Variants in ATP6V0A4 observed in about 807,000 individuals in gnomAD.
ATP6V0A4 encodes ATPase H+ transporting V0 subunit a4, also known as V-type proton ATPase 116 kDa subunit a 4.
A neutral mutation model predicts 107.3 loss-of-function variants in ATP6V0A4; 86 were observed. That is an observed-to-expected ratio of 0.80 (90% CI 0.67 to 0.96). ATP6V0A4 has a LOEUF of 0.96. ATP6V0A4 is among the 40% of genes least tolerant of loss of function. The pLI, the probability that ATP6V0A4 is intolerant of heterozygous loss-of-function variation, is 0.00. For missense variants in ATP6V0A4, 908 were observed against 1,045.6 expected (o/e 0.87, Z 1.81); for synonymous variants, 353 against 381.4 (o/e 0.93, Z 0.87).
chr7:138,792,263 GC>G (rs1217023683), intron 1 of ATP6V0A4, among the ~76,000 whole-genome samples: 1 of 152,160 alleles, frequency 6.6e-6, no homozygotes, highest in Non-Finnish European at 1.5e-5. Flanking sequence ...CCGAGATAGC[GC>G]CACTGCACTC....
chr7:138,746,044 T>TTA (rs1330314258), intron 13 of ATP6V0A4, among the ~76,000 whole-genome samples: 4 of 140,472 alleles, frequency 2.8e-5, no homozygotes, highest in Admixed American at 7.5e-5. Flanking sequence ...ATAATATATA[T>TTA]TATATATATA....
chr7:138,713,743 T>A (rs1451289210), intron 20 of ATP6V0A4, among the ~76,000 whole-genome samples: 1 of 152,050 alleles, frequency 6.6e-6, no homozygotes, highest in Non-Finnish European at 1.5e-5. Flanking sequence ...AAGGGACTAT[T>A]TCAGGCAAGG....
At chr7:138,770,544 A>G (rs1807330502) in intron 3 of ATP6V0A4, among the ~76,000 whole-genome samples, 1 of 152,178 alleles carries the variant, frequency 6.6e-6, no homozygotes, top group Admixed American at 6.5e-5. Context: ...TCCCTGCAGG[A>G]GCTTAGCTCT....
chr7:138,710,520 A>G (rs914960901), intron 20 of ATP6V0A4, among the ~76,000 whole-genome samples: 1 of 152,198 alleles, frequency 6.6e-6, no homozygotes, highest in Non-Finnish European at 1.5e-5. Context: ...AAGTGGTTAC[A>G]TGAGTGTTTG....
chr7:138,714,495 C>T (rs1316046771), intron 20 of ATP6V0A4, among the ~76,000 whole-genome samples: 1 of 151,936 alleles, frequency 6.6e-6, no homozygotes, highest in Non-Finnish European at 1.5e-5. Flanking sequence ...CCCTTGAGGC[C>T]AGGAGTGTGA....
chr7:138,797,106 C>G (rs1808708283), intron 1 of ATP6V0A4, among the ~76,000 whole-genome samples: 1 of 152,084 alleles, frequency 6.6e-6, no homozygotes. Context: ...TTCCTTACCT[C>G]TGGACCTTTG....
intron 16 of ATP6V0A4, 156 bp from the exon 17 acceptor site, chr7:138,733,249 C>T (rs1805122094): frequency 1.3e-6 from 1 of 759,038 alleles, no homozygotes; most frequent in Admixed American, 7.4e-5. Context: ...CAGCAAACAG[C>T]AATCCTGTAT....
At chr7:138,741,601 T>C (rs1322841602) in intron 14 of ATP6V0A4, among the ~76,000 whole-genome samples, 2 of 152,162 alleles carry the variant, frequency 1.3e-5, no homozygotes, top group African/African-American at 4.8e-5. Flanking sequence ...CATACCTCGA[T>C]ACAGGCAAAA....
chr7:138,708,181 AGCTGGGATTACAG>A (rs898216065), intron 21 of ATP6V0A4, among the ~76,000 whole-genome samples: 1 of 151,790 alleles, frequency 6.6e-6, no homozygotes, highest in Non-Finnish European at 1.5e-5. Context: ...CCCCTTGAGT[AGCTGGGATTACAG>A]GCATGCGCCA....
intron 17 of ATP6V0A4, among the ~76,000 whole-genome samples, chr7:138,730,159 C>T (rs567955831): frequency 3.3e-5 from 5 of 152,316 alleles, no homozygotes; most frequent in African/African-American, 1.2e-4. Flanking sequence ...GCTGGGGTTA[C>T]AGGCATGAGC....
At chr7:138,721,835 A>G in intron 19 of ATP6V0A4, 62 bp downstream of exon 19, 1 of 1,595,210 alleles carries the variant, frequency 6.3e-7, no homozygotes, top group Non-Finnish European at 8.6e-7. Flanking sequence ...TCTACTGCCT[A>G]TGTCCATTCT....
chr7:138,707,166 T>TA (rs1803427846), intron 21 of ATP6V0A4, among the ~76,000 whole-genome samples: 1 of 74,580 alleles, frequency 1.3e-5, no homozygotes, highest in South Asian at 3.3e-4. Context: ...ATATAATATA[T>TA]TATATATATT....
intron 8 of ATP6V0A4, 149 bp from the exon 9 acceptor site, chr7:138,756,689 C>A: frequency 1.8e-6 from 2 of 1,120,406 alleles, no homozygotes; most frequent in South Asian, 1.6e-5. Context: ...CATCTAAGTT[C>A]ATAGCTCACA....
At position 138,756,530 on chromosome 7, in the gene ATP6V0A4, A is replaced by G. The variant is rs1806522385; in HGVS notation, c.650T>C (p.Ile217Thr). The part of the protein sequence containing the change: ...PLEDPVTKEE[I>T]QKNIFIIFYQ... ...AAATATGATGAATATGTTCTTCTGA[A>G]TTTCTTCTTTCTGGAAAATCAGAAT... Residue 217 changes from isoleucine to threonine, a missense_variant, in exon 9 of 22, where the codon ATT becomes ACT. Transcript: ENST00000310018. 2 of 1,586,984 alleles carry G rather than the reference A, an allele frequency of 1.3e-6. No individual in the cohort carries two copies. Among genetic ancestry groups the G allele is most frequent in the South Asian group, 2.2e-5 (2 of 90,774 alleles).
At chr7:138,769,275 T>A (rs751150715) in intron 3 of ATP6V0A4, 24 bp from the exon 4 acceptor site, 8 of 1,606,032 alleles carry the variant, frequency 5.0e-6, no homozygotes, top group Middle Eastern at 1.8e-4. Context: ...AATCACAAGA[T>A]ACATGTTAGT....
At chr7:138,707,196 T>A (rs986567941) in intron 21 of ATP6V0A4, among the ~76,000 whole-genome samples, 60 of 59,534 alleles carry the variant, frequency 1.0e-3, no homozygotes, top group Admixed American at 1.4e-3. Flanking sequence ...ATTATATATA[T>A]TATATAATAT....
intron 1 of ATP6V0A4, among the ~76,000 whole-genome samples, chr7:138,787,509 A>G (rs915819440): frequency 1.3e-5 from 2 of 152,128 alleles, no homozygotes; most frequent in Non-Finnish European, 2.9e-5. Context: ...ATGAGGAGCT[A>G]GGCATGGTGG....
intron 7 of ATP6V0A4, 33 bp downstream of exon 7, chr7:138,762,307 A>G (rs1806862209): frequency 6.2e-7 from 1 of 1,609,898 alleles, no homozygotes; most frequent in Admixed American, 1.7e-5. Flanking sequence ...CGCCAGGACC[A>G]GGGACCCATC....
chr7:138,719,412 A>ATGCT (rs1804315994), intron 19 of ATP6V0A4, among the ~76,000 whole-genome samples: 1 of 152,186 alleles, frequency 6.6e-6, no homozygotes, highest in South Asian at 2.1e-4. Context: ...GACCAACCAC[A>ATGCT]TGCTTAGAGA....
Sources: allele counts gnomAD v4.1 joint callset (sites outside exome capture counted in the v4.1 genomes callset), GRCh38; gene constraint gnomAD v4.1.1; transcripts MANE v1.5; gene names NCBI Gene and HGNC (gene_info 2026-07-23, HGNC 2026-07-21).